ANKRD36C: variants seen among roughly 807,000 people sequenced by gnomAD.
The protein encoded by ANKRD36C is ankyrin repeat domain-containing protein 36C.
A neutral mutation model predicts 276.4 loss-of-function variants in ANKRD36C; 61 were observed. That is an observed-to-expected ratio of 0.22 (90% CI 0.18 to 0.27). The LOEUF (loss-of-function observed/expected upper bound fraction) is 0.27. ANKRD36C is among the 10% of genes least tolerant of loss of function. The pLI is 1.00. For missense variants in ANKRD36C, 1,447 were observed against 2,032.3 expected, an observed-to-expected ratio of 0.71 and a Z score of 5.54; for synonymous variants, 483 against 680.1, an observed-to-expected ratio of 0.71 and a Z score of 4.51.
At chr2:95,986,192 T>C (rs1184646801) in intron 3 of ANKRD36C, among the ~76,000 whole-genome samples, 1 of 151,892 alleles carries the variant, frequency 6.6e-6, no homozygotes, top group Non-Finnish European at 1.5e-5. Flanking sequence ...TCCACAGTAT[T>C]TTCCCTCATT....
intron 6 of ANKRD36C, among the ~76,000 whole-genome samples, chr2:95,966,159 T>C (rs1435053701): frequency 6.6e-6 from 1 of 151,978 alleles, no homozygotes; most frequent in Non-Finnish European, 1.5e-5. Flanking sequence ...TGCACACAAG[T>C]TCTTTAGTTT....
At position 95,891,959 on chromosome 2, in the gene ANKRD36C, G is replaced by A. The variant is rs547637888; in HGVS notation, c.2756-99C>T. On this transcript the variant is annotated intron_variant, in intron 44 of 66. Coordinates refer to ENST00000456556, the Ensembl canonical transcript of ANKRD36C. Reference sequence around the variant, plus strand: ...AGCATCAACCTCTGTCCTCCTGCCTGTATTAGCGTAGGCTTTGATGGCTTC... The same window carrying A: ...AGCATCAACCTCTGTCCTCCTGCCTATATTAGCGTAGGCTTTGATGGCTTC... The A allele has an allele frequency of 2.0e-5, 30 of 1,530,004 alleles. 1 individual carries two copies. Among genetic ancestry groups the A allele is most frequent in the Admixed American group, 1.6e-4 (8 of 50,830 alleles). 94.8% of individuals were successfully genotyped at this position (1,530,004 alleles called of 1,614,324 possible). A position where few individuals can be genotyped will look rare whatever the true frequency, so the allele number is the denominator to read the frequency against.
At chr2:95,889,268 G>A (rs952810317) in intron 48 of ANKRD36C, among the ~76,000 whole-genome samples, 2 of 151,474 alleles carry the variant, frequency 1.3e-5, no homozygotes, top group Non-Finnish European at 3.0e-5. Context: ...TGAGTTCACT[G>A]AGGTTTCCTC....
chr2:95,941,924 G>A (rs1400050615), intron 19 of ANKRD36C, among the ~76,000 whole-genome samples: 1 of 152,310 alleles, frequency 6.6e-6, no homozygotes, highest in Non-Finnish European at 1.5e-5. Flanking sequence ...AAAATTTGGT[G>A]AGTCACTGGA....
At chr2:95,983,585 A>T (rs1350555690) in intron 3 of ANKRD36C, among the ~76,000 whole-genome samples, 2 of 111,068 alleles carry the variant, frequency 1.8e-5, no homozygotes, top group Non-Finnish European at 3.8e-5. Context: ...TATTTGCATC[A>T]TTTATTTATT....
intron 42 of ANKRD36C, 148 bp from the exon 53 acceptor site, chr2:95,903,229 C>G: frequency 1.5e-6 from 2 of 1,372,012 alleles, no homozygotes; most frequent in East Asian, 2.6e-5. Context: ...GGGACTAGAA[C>G]ATGACGGAAA....
At chr2:95,947,278 T>A (rs1678079015) in intron 17 of ANKRD36C, among the ~76,000 whole-genome samples, 1 of 152,064 alleles carries the variant, frequency 6.6e-6, no homozygotes, top group African/African-American at 2.4e-5. Flanking sequence ...TTATAGATTC[T>A]CAACATTAGA....
In ANKRD36C at chr2:95,921,706, A is replaced by G. The variant is rs746918315; in HGVS notation, c.2173-27T>C. On this transcript the variant is annotated intron_variant, in intron 33 of 66. Coordinates refer to ENST00000456556, the Ensembl canonical transcript of ANKRD36C. ...TGAATGGAATTTGAAAGAAAATAATAAATAAATAAATAAATGAAGCATGTT... is the reference window on the plus strand; with the variant it reads ...TGAATGGAATTTGAAAGAAAATAATGAATAAATAAATAAATGAAGCATGTT... The G allele has an allele frequency of 3.8e-6, 6 of 1,581,176 alleles. No homozygotes were observed. The East Asian group carries it at 1.4e-4, about 38-fold the overall frequency.
intron 30 of ANKRD36C, among the ~76,000 whole-genome samples, chr2:95,924,242 A>G (rs1219830426): frequency 1.3e-5 from 2 of 151,650 alleles, no homozygotes; most frequent in African/African-American, 4.8e-5. Flanking sequence ...ATCCTAGTAG[A>G]TAGTATTCAT....
chr2:95,948,298 A>G (rs1678106999), intron 17 of ANKRD36C, among the ~76,000 whole-genome samples: 1 of 98,084 alleles, frequency 1.0e-5, no homozygotes, highest in South Asian at 3.2e-4. Flanking sequence ...ATTTTCCAGC[A>G]ATTTTTTTTT....
chr2:95,870,894 T>A (rs1467516659), intron 59 of ANKRD36C, among the ~76,000 whole-genome samples: 2 of 152,082 alleles, frequency 1.3e-5, no homozygotes, highest in East Asian at 3.9e-4. Flanking sequence ...GCCGATGCAA[T>A]CAACTGGAAG....
At chr2:95,926,135 T>C (rs1232118469) in intron 28 of ANKRD36C, among the ~76,000 whole-genome samples, 1 of 151,618 alleles carries the variant, frequency 6.6e-6, no homozygotes, top group Non-Finnish European at 1.5e-5. Flanking sequence ...CAAACCCATG[T>C]GGTGTAATAA....
chr2:95,950,407 C>T (rs1329046169), intron 16 of ANKRD36C, among the ~76,000 whole-genome samples: 2 of 152,038 alleles, frequency 1.3e-5, no homozygotes, highest in African/African-American at 4.8e-5. Flanking sequence ...AAATAAGTAC[C>T]GTGGCCCCAT....
chr2:95,895,638 A>C, intron 44 of ANKRD36C, 48 bp from the exon 61 acceptor site: 1 of 1,565,558 alleles, frequency 6.4e-7, no homozygotes. Flanking sequence ...AATATGATAA[A>C]GTTATCCATA....
At chr2:95,923,607 T>C (rs753640010) in intron 31 of ANKRD36C, 40 bp from the exon 32 acceptor site, 10 of 1,608,576 alleles carry the variant, frequency 6.2e-6, no homozygotes, top group Non-Finnish European at 8.5e-6. Flanking sequence ...AAAGAAAGTA[T>C]GTTTCATGGA....
intron 40 of ANKRD36C, among the ~76,000 whole-genome samples, chr2:95,913,024 A>G (rs1396482692): frequency 6.6e-6 from 1 of 150,492 alleles, no homozygotes; most frequent in Non-Finnish European, 1.5e-5. Context: ...ACACCCATGT[A>G]GTGTAATAAT....
At chr2:95,857,590 G>A (rs75501967) in intron 61 of ANKRD36C, 98 bp from the exon 82 acceptor site, 73 of 1,214,132 alleles carry the variant, frequency 6.0e-5, no homozygotes, top group South Asian at 3.3e-4. Flanking sequence ...CCAGGGAGTC[G>A]TGCCCTACAA....
chr2:95,968,846 G>A (rs1156998343), intron 6 of ANKRD36C, among the ~76,000 whole-genome samples: 2 of 152,134 alleles, frequency 1.3e-5, no homozygotes, highest in African/African-American at 4.8e-5. Flanking sequence ...ATTTACTAGA[G>A]TGGCTCAGAG....
At chr2:95,903,138 C>G in intron 42 of ANKRD36C, 57 bp from the exon 53 acceptor site, 1 of 1,536,220 alleles carries the variant, frequency 6.5e-7, no homozygotes. Context: ...AAATTATCCA[C>G]ATATTCATGC....
Sources: gnomAD v4.1 joint callset for allele counts (sites outside exome capture counted in the v4.1 genomes callset) on GRCh38, gnomAD v4.1.1 for gene constraint, MANE v1.5 for transcripts, NCBI Gene and HGNC (gene_info 2026-07-23, HGNC 2026-07-21) for gene names.